CHST8: variants seen among roughly 807,000 people sequenced by gnomAD.
CHST8 encodes the protein GALNAC-4-ST1.
CHST8 carries 10 observed loss-of-function variants against 15.0 expected under a neutral mutation model. The observed-to-expected ratio is 0.67, with a 90% CI of 0.41 to 1.13. The LOEUF is 1.13. Among genes scored for constraint, CHST8 ranks in the 50% most tolerant of loss-of-function variants. The pLI, the probability that CHST8 is intolerant of heterozygous loss-of-function variation, is 0.00. For missense variants in CHST8, 634 were observed against 608.2 expected (o/e 1.04, Z -0.45); for synonymous variants, 259 against 256.6 (o/e 1.01, Z -0.09).
At chr19:33,765,449 G>A (rs1366731539) in intron 3 of CHST8, among the ~76,000 whole-genome samples, 1 of 151,104 alleles carries the variant, frequency 6.6e-6, no homozygotes, top group Non-Finnish European at 1.5e-5. Flanking sequence ...CTCCCGTGAT[G>A]GTTAATTATA....
intron 1 of CHST8, among the ~76,000 whole-genome samples, chr19:33,667,052 C>T (rs1233969992): frequency 6.6e-6 from 1 of 152,178 alleles, no homozygotes; most frequent in Non-Finnish European, 1.5e-5. Flanking sequence ...TGTGTGATCA[C>T]AGGCGTGTGT....
chr19:33,696,527 A>C (rs969574444), intron 3 of CHST8, among the ~76,000 whole-genome samples: 2 of 152,116 alleles, frequency 1.3e-5, no homozygotes, highest in Non-Finnish European at 2.9e-5. Context: ...GTCACTGGAT[A>C]TATTACATGT....
chr19:33,733,229 A>ATTT (rs1974025351), intron 3 of CHST8, among the ~76,000 whole-genome samples: 1 of 135,048 alleles, frequency 7.4e-6, no homozygotes, highest in African/African-American at 3.0e-5. Flanking sequence ...GACCAGATAT[A>ATTT]TTCTTTTTTT....
At chr19:33,686,980 C>A (rs1006454296) in intron 2 of CHST8, among the ~76,000 whole-genome samples, 2 of 152,234 alleles carry the variant, frequency 1.3e-5, no homozygotes, top group East Asian at 3.9e-4. Flanking sequence ...CTTCCTGGTC[C>A]CCATCTGAGA....
Position 33,630,566 on chromosome 19 carries a change from T to C in CHST8, c.-164+8270T>C, listed in dbSNP as rs183217075. On this transcript the variant is annotated intron_variant, in intron 1 of 4. Coordinates refer to ENST00000650847, the MANE Select transcript of CHST8 (RefSeq NM_001127895.2). ...GCCAGTGCGTGGGGAAGGCAGTCTG[T>C]CTACACTGGCTGGGCCAGTGTGTGG... Among the ~76,000 whole-genome samples the C allele has an allele frequency of 2.0e-5, 3 of 151,750 alleles. No homozygotes were observed. The East Asian group carries it at 5.8e-4, about 30-fold the overall frequency.
chr19:33,637,914 C>G (rs1972226708), intron 1 of CHST8, among the ~76,000 whole-genome samples: 1 of 151,110 alleles, frequency 6.6e-6, no homozygotes, highest in Non-Finnish European at 1.5e-5. Flanking sequence ...GCAGCATGCC[C>G]CCTCTTCCAG....
At chr19:33,729,955 A>G (rs143054962) in intron 3 of CHST8, among the ~76,000 whole-genome samples, 1 of 152,358 alleles carries the variant, frequency 6.6e-6, no homozygotes, top group African/African-American at 2.4e-5. Context: ...AAAACATCGT[A>G]TATGATCCTT....
chr19:33,662,307 G>T (rs1292506613), intron 1 of CHST8, among the ~76,000 whole-genome samples: 1 of 152,132 alleles, frequency 6.6e-6, no homozygotes, highest in East Asian at 1.9e-4. Context: ...CAAACTCCTG[G>T]ATTCAAACGA....
intron 2 of CHST8, among the ~76,000 whole-genome samples, chr19:33,668,311 T>C (rs1972689756): frequency 6.6e-6 from 1 of 152,166 alleles, no homozygotes; most frequent in African/African-American, 2.4e-5. Flanking sequence ...CCATGCACAC[T>C]GCCTAACACT....
Position 33,728,732 on chromosome 19 carries a change from G to T in CHST8, c.130+39341G>T, listed in dbSNP as rs530888691. ...GTGCTTAGGAGGGGGAGGTGCAGGGGAGCCCAGGCCAGGGAAGGGAGAGAG... is the reference window on the plus strand; with the variant it reads ...GTGCTTAGGAGGGGGAGGTGCAGGGTAGCCCAGGCCAGGGAAGGGAGAGAG... On this transcript the variant is annotated intron_variant, in intron 3 of 4. Coordinates refer to ENST00000650847, the MANE Select transcript of CHST8 (RefSeq NM_001127895.2). Among the ~76,000 whole-genome samples, 11 of 152,280 alleles carry T rather than the reference G, an allele frequency of 7.2e-5. No individual in the cohort carries two copies. In the East Asian group the frequency reaches 2.1e-3, roughly 29 times the overall value.
At chr19:33,731,317 C>A (rs376037547) in intron 3 of CHST8, among the ~76,000 whole-genome samples, 1 of 152,114 alleles carries the variant, frequency 6.6e-6, no homozygotes, top group African/African-American at 2.4e-5. Context: ...ATGAGTTTTC[C>A]GAGAAAGGGG....
chr19:33,694,169 CATATATATATATAT>C (rs397842550), intron 3 of CHST8, among the ~76,000 whole-genome samples: 1,769 of 40,062 alleles, frequency 0.044, 38 homozygotes, highest in African/African-American at 0.051. Flanking sequence ...GTAGTTTATT[CATATATATATATAT>C]ATATATATAT....
intron 3 of CHST8, among the ~76,000 whole-genome samples, chr19:33,720,900 C>G (rs1258419646): frequency 6.6e-6 from 1 of 152,236 alleles, no homozygotes; most frequent in African/African-American, 2.4e-5. Context: ...AGCAGAGTGG[C>G]CACCAGCACT....
At chr19:33,760,943 C>T (rs111948326) in intron 3 of CHST8, among the ~76,000 whole-genome samples, 73 of 152,312 alleles carry the variant, frequency 4.8e-4, no homozygotes, top group African/African-American at 1.6e-3. Flanking sequence ...TCATCAGTAC[C>T]TAAGATGCTA....
At chr19:33,629,051 G>A (rs1449610799) in intron 1 of CHST8, among the ~76,000 whole-genome samples, 1 of 152,140 alleles carries the variant, frequency 6.6e-6, no homozygotes, top group African/African-American at 2.4e-5. Context: ...GCACGTCCAG[G>A]GCACTCGGCA....
chr19:33,626,775 T>C (rs975298540), intron 1 of CHST8, among the ~76,000 whole-genome samples: 1 of 126,538 alleles, frequency 7.9e-6, no homozygotes, highest in Non-Finnish European at 1.8e-5. Flanking sequence ...TAAGCCGCTT[T>C]TTTTTTCCTT....
chr19:33,744,138 C>A (rs985999445), intron 3 of CHST8, among the ~76,000 whole-genome samples: 3 of 152,218 alleles, frequency 2.0e-5, no homozygotes, highest in South Asian at 2.1e-4. Flanking sequence ...GCGTCAAGGT[C>A]TATGTGTACT....
chr19:33,664,602 C>T (rs1171077047), intron 1 of CHST8, among the ~76,000 whole-genome samples: 1 of 151,496 alleles, frequency 6.6e-6, no homozygotes, highest in Non-Finnish European at 1.5e-5. Flanking sequence ...GTGGCTTACC[C>T]AAAAAAGTTC....
chr19:33,647,864 A>T (rs952584884), intron 1 of CHST8, among the ~76,000 whole-genome samples: 3 of 144,624 alleles, frequency 2.1e-5, no homozygotes, highest in African/African-American at 7.9e-5. Context: ...TAAATAAATA[A>T]AATAAAATAA....
Sources: gnomAD v4.1 joint callset for allele counts (sites outside exome capture counted in the v4.1 genomes callset) on GRCh38, gnomAD v4.1.1 for gene constraint, MANE v1.5 for transcripts, NCBI Gene and HGNC (gene_info 2026-07-23, HGNC 2026-07-21) for gene names.